Variants in TECTA observed in about 807,000 individuals in gnomAD.
TECTA encodes tectorin alpha, also known as alpha-tectorin.
A neutral mutation model predicts 216.8 loss-of-function variants in TECTA; 128 were observed. That is an observed-to-expected ratio of 0.59 (90% CI 0.51 to 0.68). TECTA has a LOEUF of 0.68. Ranked by LOEUF, TECTA falls within the 30% of genes least tolerant of loss-of-function variation. TECTA has a pLI of 0.00. For synonymous variants in TECTA, 1,089 were observed against 1,117.1 expected, an observed-to-expected ratio of 0.97 and a Z score of 0.50; for missense variants, 2,551 against 2,786.2, an observed-to-expected ratio of 0.92 and a Z score of 1.90.
chr11:121,147,285 T>A (rs1342965977), intron 12 of TECTA, among the ~76,000 whole-genome samples: 1 of 152,180 alleles, frequency 6.6e-6, no homozygotes, highest in Non-Finnish European at 1.5e-5. Flanking sequence ...CAACTCCCAT[T>A]TTCATCTGGA....
rs1946421651 is a variant in TECTA, at chr11:121,109,294, C to A, written c.282C>A (p.Ala94=). The stretch of plus-strand genomic sequence containing the variant: ...CCTTTCCCCTGACAGATGGGAGAGC[C>A]TTCGTCGCCCCATTTTGGGCAGATG... ...PESFPLTDGR[A]FVAPFWADVH... is the part of the protein sequence containing the mutation. The change falls in exon 4 of 24, where the codon GCC becomes GCA. Residue 94 remains alanine (A), a synonymous_variant. Transcript: ENST00000392793. 1 of 1,614,160 alleles carries A rather than the reference C, an allele frequency of 6.2e-7. No homozygotes were observed. The highest frequency in any genetic ancestry group is 8.5e-7 in the Non-Finnish European group (1 of 1,180,022).
intron 15 of TECTA, among the ~76,000 whole-genome samples, chr11:121,161,247 C>T (rs1946995242): frequency 6.6e-6 from 1 of 152,104 alleles, no homozygotes; most frequent in South Asian, 2.1e-4. Flanking sequence ...AATATCTTGT[C>T]CAATCTCTTC....
intron 14 of TECTA, among the ~76,000 whole-genome samples, chr11:121,158,662 G>C (rs1946968902): frequency 2.0e-5 from 3 of 151,908 alleles, no homozygotes; most frequent in Non-Finnish European, 4.4e-5. Context: ...GCAAGCACTT[G>C]CCTAAAAAAC....
chr11:121,146,230 T>C (rs570304097), intron 12 of TECTA, 114 bp downstream of exon 12: 3 of 1,295,550 alleles, frequency 2.3e-6, no homozygotes, highest in African/African-American at 1.5e-5. Context: ...AATTTAAGGA[T>C]ATGCACTTTG....
intron 18 of TECTA, among the ~76,000 whole-genome samples, chr11:121,167,408 G>C (rs1337458406): frequency 6.6e-6 from 1 of 152,098 alleles, no homozygotes; most frequent in Admixed American, 6.5e-5. Context: ...CTCCATCCTG[G>C]GTGATAGTGA....
At chr11:121,118,190 C>A in intron 6 of TECTA, 116 bp from the exon 7 acceptor site, 7 of 1,365,378 alleles carry the variant, frequency 5.1e-6, no homozygotes, top group Non-Finnish European at 7.1e-6. Context: ...CCATACCTCC[C>A]TAACAGGGTT....
At chr11:121,151,315 A>T (rs1168437771) in intron 12 of TECTA, among the ~76,000 whole-genome samples, 1 of 152,196 alleles carries the variant, frequency 6.6e-6, no homozygotes, top group Non-Finnish European at 1.5e-5. Context: ...TATTCCACAG[A>T]TGCCCTTACT....
chr11:121,111,644 G>A (rs1037490556), intron 4 of TECTA, among the ~76,000 whole-genome samples: 2 of 152,198 alleles, frequency 1.3e-5, no homozygotes, highest in Admixed American at 1.3e-4. Context: ...GTGGGAGAAG[G>A]AATTCCCTTC....
At chr11:121,136,593 G>A (rs1051059445) in intron 10 of TECTA, among the ~76,000 whole-genome samples, 3 of 152,174 alleles carry the variant, frequency 2.0e-5, no homozygotes, top group African/African-American at 4.8e-5. Flanking sequence ...CCTCTTGATA[G>A]ATTAGATTAT....
At position 121,129,767 on chromosome 11, in the gene TECTA, T is replaced by C; in HGVS notation, c.2497T>C (p.Leu833=). 6.2e-7 allele frequency: 1 copy of C among 1,614,216 alleles called. No homozygotes were observed. Among genetic ancestry groups the C allele is most frequent in the Non-Finnish European group, 8.5e-7 (1 of 1,180,038 alleles). The change falls in exon 10 of 24, where the codon TTG becomes CTG. Residue 833 remains leucine (L), a synonymous_variant. Coordinates refer to ENST00000392793, the MANE Select transcript of TECTA (RefSeq NM_005422.4). ...TGTCCAGTACTCAGACATAGGTCTA[T>C]TGTACATCCGGCTGTCCACCACATA... ...VTVQYSDIGL[L]YIRLSTTYFN... is the part of the protein sequence containing the mutation.
At position 121,108,734 on chromosome 11, in the gene TECTA, CACTT is replaced by C. The variant is rs1196092376; in HGVS notation, c.199-474_199-471del. 4.7e-5 allele frequency among the ~76,000 whole-genome samples: 7 copies of C among 148,926 alleles called. No homozygotes were observed. In the East Asian group the frequency reaches 8.0e-4, roughly 17 times the overall value. On this transcript the variant is annotated intron_variant, in intron 3 of 23. Transcript: ENST00000392793. The stretch of plus-strand genomic sequence containing the variant: ...ACATACCCCCACTCCAGTACACACA[CACTT>C]ACACACCTCACCCCAGTACACACAC...
At chr11:121,150,709 G>A (rs548310795) in intron 12 of TECTA, among the ~76,000 whole-genome samples, 5 of 140,160 alleles carry the variant, frequency 3.6e-5, no homozygotes, top group African/African-American at 1.1e-4. Flanking sequence ...GCAGTGGCAC[G>A]ATCTCAGCTC....
chr11:121,166,487 C>A, intron 17 of TECTA, 91 bp from the exon 18 acceptor site: 1 of 1,378,662 alleles, frequency 7.3e-7, no homozygotes. Context: ...TTTGCCTCTT[C>A]TAAAGGAGAA....
intron 16 of TECTA, 110 bp from the exon 17 acceptor site, chr11:121,165,163 C>A: frequency 2.9e-6 from 3 of 1,041,680 alleles, no homozygotes; most frequent in Non-Finnish European, 4.4e-6. Context: ...CAGCTGCCAT[C>A]TGACCATTTC....
At chr11:121,154,211 A>G (rs933704205) in intron 13 of TECTA, among the ~76,000 whole-genome samples, 22 of 152,318 alleles carry the variant, frequency 1.4e-4, no homozygotes, top group Admixed American at 6.5e-4. Context: ...AATAAATAAT[A>G]TCTCCTTTTT....
intron 7 of TECTA, among the ~76,000 whole-genome samples, chr11:121,121,417 TATC>T (rs1946557297): frequency 6.6e-6 from 1 of 152,050 alleles, no homozygotes; most frequent in South Asian, 2.1e-4. Flanking sequence ...AGGCGAGGCT[TATC>T]AGCTGTCTGC....
At chr11:121,152,828 C>G in intron 12 of TECTA, 53 bp from the exon 13 acceptor site, 3 of 1,552,198 alleles carry the variant, frequency 1.9e-6, no homozygotes, top group Non-Finnish European at 2.6e-6. Flanking sequence ...ATGAGAAAAC[C>G]CTCCTCGGTG....
At chr11:121,160,481 G>T (rs1251281795) in intron 15 of TECTA, 60 bp downstream of exon 15, 26 of 1,593,362 alleles carry the variant, frequency 1.6e-5, no homozygotes, top group Non-Finnish European at 2.1e-5. Context: ...CACGTCCATG[G>T]GTGGTGTGAA....
chr11:121,149,699 C>G (rs1240247012), intron 12 of TECTA, among the ~76,000 whole-genome samples: 1 of 152,162 alleles, frequency 6.6e-6, no homozygotes, highest in East Asian at 1.9e-4. Flanking sequence ...AGCTGAATTG[C>G]TTTTTAGGGG....
Sources: allele counts gnomAD v4.1 joint callset (sites outside exome capture counted in the v4.1 genomes callset), GRCh38; gene constraint gnomAD v4.1.1; transcripts MANE v1.5; gene names NCBI Gene and HGNC (gene_info 2026-07-23, HGNC 2026-07-21).